CAMTA1: variants seen among roughly 807,000 people sequenced by gnomAD.
CAMTA1 encodes the protein calmodulin binding transcription activator 1.
A neutral mutation model predicts 170.9 loss-of-function variants in CAMTA1; 27 were observed. The observed-to-expected ratio is 0.16, with a 90% CI of 0.12 to 0.22. The LOEUF (loss-of-function observed/expected upper bound fraction) is 0.22. CAMTA1 is among the 10% of genes least tolerant of loss of function. The pLI is 1.00. For missense variants in CAMTA1, 1,619 were observed against 2,217.2 expected, an observed-to-expected ratio of 0.73 and a Z score of 5.42; for synonymous variants, 833 against 891.5, an observed-to-expected ratio of 0.93 and a Z score of 1.17.
chr1:7,317,115 AG>A (rs1677644606), intron 5 of CAMTA1, among the ~76,000 whole-genome samples: 1 of 152,136 alleles, frequency 6.6e-6, no homozygotes, highest in African/African-American at 2.4e-5. Flanking sequence ...AACACTGTGA[AG>A]GGAAGTTGCT....
chr1:7,495,765 C>G (rs1172522064), intron 6 of CAMTA1, among the ~76,000 whole-genome samples: 1 of 152,230 alleles, frequency 6.6e-6, no homozygotes, highest in Non-Finnish European at 1.5e-5. Flanking sequence ...GAGATTTCTG[C>G]TCATAAGGAC....
At chr1:7,080,774 G>C (rs1376548852) in intron 3 of CAMTA1, among the ~76,000 whole-genome samples, 2 of 152,144 alleles carry the variant, frequency 1.3e-5, no homozygotes, top group African/African-American at 4.8e-5. Flanking sequence ...TATCAGTCAG[G>C]ATCCTCTCAG....
At chr1:6,878,077 C>T (rs1019713133) in intron 3 of CAMTA1, among the ~76,000 whole-genome samples, 14 of 152,190 alleles carry the variant, frequency 9.2e-5, no homozygotes, top group African/African-American at 3.4e-4. Context: ...TAAAGAAACA[C>T]CAGACCAGGC....
At chr1:6,836,943 CTTT>C (rs780894298) in intron 3 of CAMTA1, among the ~76,000 whole-genome samples, 5 of 137,280 alleles carry the variant, frequency 3.6e-5, no homozygotes, top group Admixed American at 7.4e-5. Context: ...TGAAGGAGTT[CTTT>C]TTTTTTTTTT....
chr1:7,683,237 A>ATCACTTGT (rs1458321185), intron 11 of CAMTA1, among the ~76,000 whole-genome samples: 1 of 151,976 alleles, frequency 6.6e-6, no homozygotes, highest in Non-Finnish European at 1.5e-5. Flanking sequence ...TTCCAAAGGC[A>ATCACTTGT]TCACTTGTCC....
chr1:7,768,088 C>A lies in CAMTA1; in HGVS notation c.*1597C>A, dbSNP rs1192096398. On this transcript the variant is annotated 3_prime_UTR_variant, in exon 23 of 23. Transcript: ENST00000303635. ...TATGTAGCTTAACACCATCCACTCACTCCAACAAAGAACACTTAGAATGAT... is the reference window on the plus strand; with the variant it reads ...TATGTAGCTTAACACCATCCACTCAATCCAACAAAGAACACTTAGAATGAT... The A allele has an allele frequency of 6.9e-6, 1 of 144,604 alleles. No individual in the cohort carries two copies. The highest frequency in any genetic ancestry group is 1.5e-5 in the Non-Finnish European group (1 of 66,956). 9.0% of individuals were successfully genotyped at this position (144,604 alleles called of 1,614,324 possible). A position where few individuals can be genotyped will look rare whatever the true frequency, so the allele number is the denominator to read the frequency against.
rs894545252 is a variant in CAMTA1 at position 7,641,306 on chromosome 1, C to T, written c.664+753C>T. Among the ~76,000 whole-genome samples the T allele has an allele frequency of 6.6e-6, 1 of 152,148 alleles. No individual in the cohort carries two copies. Among genetic ancestry groups the T allele is most frequent in the Non-Finnish European group, 1.5e-5 (1 of 68,014 alleles). ...TGTTTAGTGGTGGACACGTAGCCCA[C>T]GGGGTTCAGGGACATTGATGGCCAG... On this transcript the variant is annotated intron_variant, in intron 7 of 22. Coordinates refer to ENST00000303635, the MANE Select transcript of CAMTA1 (RefSeq NM_015215.4). The surrounding 1 kb of genome is among the most constrained non-coding windows in gnomAD (Gnocchi z 4.5).
intron 5 of CAMTA1, among the ~76,000 whole-genome samples, chr1:7,274,447 A>C (rs536101359): frequency 6.6e-6 from 1 of 152,226 alleles, no homozygotes; most frequent in Non-Finnish European, 1.5e-5. Flanking sequence ...CAGCTTCAAA[A>C]TACATGCCAA....
intron 6 of CAMTA1, among the ~76,000 whole-genome samples, chr1:7,484,891 AC>A (rs1159585109): frequency 6.6e-6 from 1 of 151,756 alleles, no homozygotes; most frequent in Non-Finnish European, 1.5e-5. Context: ...GCCCACAAAG[AC>A]CCCGTCCTAG....
At chr1:6,806,229 T>C (rs1025114124) in intron 1 of CAMTA1, among the ~76,000 whole-genome samples, 2 of 152,250 alleles carry the variant, frequency 1.3e-5, no homozygotes, top group African/African-American at 4.8e-5. Flanking sequence ...TATGTCTATC[T>C]TTGTGCCATT....
chr1:7,745,011 T>C lies in CAMTA1; in HGVS notation c.4359T>C (p.Ala1453=). The part of the protein sequence containing the change: ...YLADADCLPS[A]AQIRSAYNEP... Reference sequence around the variant, plus strand: ...CGGATGCTGACTGCCTTCCCAGTGCTGCCCAGATCCGGTGAGTAAAGTTAC... The same window carrying C: ...CGGATGCTGACTGCCTTCCCAGTGCCGCCCAGATCCGGTGAGTAAAGTTAC... The change falls in exon 17 of 23, where the codon GCT becomes GCC. Residue 1453 remains alanine, a synonymous_variant. Transcript: ENST00000303635. 6.2e-7 allele frequency: 1 copy of C among 1,612,488 alleles called. No individual in the cohort carries two copies. The highest frequency in any genetic ancestry group is 8.5e-7 in the Non-Finnish European group (1 of 1,179,294).
Position 7,726,929 on chromosome 1 carries a change from C to G in CAMTA1, c.2915-5519C>G, listed in dbSNP as rs960740647. ...GAAACTTGCACTTGTAACTTTCCTTCTGTGCAGAATTTTCTCCCGATGGAG... is the reference window on the plus strand; with the variant it reads ...GAAACTTGCACTTGTAACTTTCCTTGTGTGCAGAATTTTCTCCCGATGGAG... On this transcript the variant is annotated intron_variant, in intron 11 of 22. Coordinates refer to ENST00000303635, the MANE Select transcript of CAMTA1 (RefSeq NM_015215.4). Among the ~76,000 whole-genome samples the G allele has an allele frequency of 1.1e-4, 16 of 152,190 alleles. 1 individual carries two copies. Among genetic ancestry groups the G allele is most frequent in the Admixed American group, 5.9e-4 (9 of 15,282 alleles).
chr1:7,168,906 TA>T (rs1445645672), intron 4 of CAMTA1, among the ~76,000 whole-genome samples: 1 of 152,210 alleles, frequency 6.6e-6, no homozygotes, highest in Non-Finnish European at 1.5e-5. Context: ...ATATTTGCTG[TA>T]GGGGTTTTAT....
rs774178899 is a variant in CAMTA1, at chr1:7,129,343, C to T, written c.302+37972C>T. The stretch of plus-strand genomic sequence containing the variant: ...GACCAAGACAGGACTTGAGCCTTCC[C>T]GAGAAAGGTTACCGAGAACACTCAA... On this transcript the variant is annotated intron_variant, in intron 4 of 22. Coordinates refer to ENST00000303635, the MANE Select transcript of CAMTA1 (RefSeq NM_015215.4). 4.6e-5 allele frequency among the ~76,000 whole-genome samples: 7 copies of T among 152,154 alleles called. No homozygotes were observed. In the East Asian group the frequency reaches 5.8e-4, roughly 13 times the overall value.
chr1:7,722,845 G>A (rs541969809), intron 11 of CAMTA1, among the ~76,000 whole-genome samples: 1 of 152,220 alleles, frequency 6.6e-6, no homozygotes, highest in East Asian at 1.9e-4. Flanking sequence ...CACTTTGGAA[G>A]GCTGAGGCAG....
chr1:7,316,817 T>C (rs1379374932), intron 5 of CAMTA1, among the ~76,000 whole-genome samples: 2 of 152,126 alleles, frequency 1.3e-5, no homozygotes, highest in Non-Finnish European at 2.9e-5. Context: ...GGAGGCCTCC[T>C]GGACAGATCA....
At chr1:7,100,013 C>T (rs886337377) in intron 4 of CAMTA1, among the ~76,000 whole-genome samples, 2 of 152,164 alleles carry the variant, frequency 1.3e-5, no homozygotes, top group African/African-American at 2.4e-5. Flanking sequence ...CGTGGGACCC[C>T]GGGAGGGTCT....
chr1:7,574,310 T>C (rs2095163411), intron 6 of CAMTA1, among the ~76,000 whole-genome samples: 1 of 152,102 alleles, frequency 6.6e-6, no homozygotes, highest in Non-Finnish European at 1.5e-5. Context: ...TATACATGAC[T>C]GTGGAAATGG....
intron 11 of CAMTA1, among the ~76,000 whole-genome samples, chr1:7,686,334 A>C (rs1414879782): frequency 2.0e-5 from 3 of 152,130 alleles, no homozygotes; most frequent in African/African-American, 7.2e-5. Flanking sequence ...AGGTCAGAGG[A>C]GGCCTGTATG....
Sources: gnomAD v4.1 joint callset for allele counts (sites outside exome capture counted in the v4.1 genomes callset) on GRCh38, gnomAD v4.1.1 for gene constraint, Gnocchi (gnomAD v3.1) non-coding constraint, MANE v1.5 for transcripts, NCBI Gene and HGNC (gene_info 2026-07-23, HGNC 2026-07-21) for gene names.